GTF2IRD1: variants seen among roughly 807,000 people sequenced by gnomAD.
GTF2IRD1 encodes the protein GTF2I repeat domain containing 1.
A neutral mutation model predicts 113.2 loss-of-function variants in GTF2IRD1; 26 were observed. The observed-to-expected ratio is 0.23, with a 90% confidence interval of 0.17 to 0.32. GTF2IRD1 has a LOEUF of 0.32. GTF2IRD1 is among the 10% of genes least tolerant of loss of function. The pLI is 1.00. For synonymous variants in GTF2IRD1, 484 were observed against 529.1 expected (o/e 0.91, Z 1.17); for missense variants, 864 against 1,280.8 (o/e 0.67, Z 4.97).
chr7:74,458,236 T>C (rs1793120629), intron 1 of GTF2IRD1, among the ~76,000 whole-genome samples: 2 of 151,992 alleles, frequency 1.3e-5, no homozygotes, highest in African/African-American at 4.8e-5. Context: ...GGACCCTTAG[T>C]GTGACTGGAA....
intron 22 of GTF2IRD1, chr7:74,572,707 T>C (rs142672823): frequency 1.7e-3 from 324 of 188,584 alleles, no homozygotes; most frequent in Middle Eastern, 8.1e-3. Flanking sequence ...CAACTCTGTC[T>C]TGAGCTCTTG....
intron 1 of GTF2IRD1, among the ~76,000 whole-genome samples, chr7:74,487,225 A>T (rs886536760): frequency 2.3e-4 from 35 of 152,058 alleles, no homozygotes; most frequent in African/African-American, 8.5e-4. Flanking sequence ...TTTAATAGAG[A>T]TGAGGTTTCG....
At position 74,511,968 on chromosome 7, in the gene GTF2IRD1, A is replaced by G. The variant is rs773900102; in HGVS notation, c.124-862A>G. 7.0e-4 allele frequency among the ~76,000 whole-genome samples: 106 copies of G among 152,282 alleles called. 1 individual carries two copies. Among genetic ancestry groups the G allele is most frequent in the Admixed American group, 1.7e-3 (26 of 15,304 alleles). On this transcript the variant is annotated intron_variant, in intron 2 of 26. Transcript: ENST00000424337. ...CCTGTATACCCATATAGGGTGTCCCAGTTTAGAGATCTTTTTCCTCCAACC... is the reference window on the plus strand; with the variant it reads ...CCTGTATACCCATATAGGGTGTCCCGGTTTAGAGATCTTTTTCCTCCAACC...
At chr7:74,467,805 T>A (rs1308266509) in intron 1 of GTF2IRD1, among the ~76,000 whole-genome samples, 1 of 152,210 alleles carries the variant, frequency 6.6e-6, no homozygotes, top group African/African-American at 2.4e-5. Context: ...GCGATTCTCC[T>A]GCCTCAGTCT....
chr7:74,480,454 T>C (rs1794671223), intron 1 of GTF2IRD1, among the ~76,000 whole-genome samples: 1 of 152,226 alleles, frequency 6.6e-6, no homozygotes, highest in South Asian at 2.1e-4. Flanking sequence ...CAAGGGCCTT[T>C]GCAGGGAGCC....
At chr7:74,554,337 G>A (rs782266374) in intron 17 of GTF2IRD1, among the ~76,000 whole-genome samples, 2 of 152,192 alleles carry the variant, frequency 1.3e-5, no homozygotes, top group Non-Finnish European at 1.5e-5. Flanking sequence ...AAGCAGTGCT[G>A]TATGACAAAG....
intron 8 of GTF2IRD1, among the ~76,000 whole-genome samples, chr7:74,526,764 G>C (rs1167631501): frequency 2.6e-5 from 4 of 152,102 alleles, no homozygotes; most frequent in Non-Finnish European, 4.4e-5. Context: ...AATTGCTCAA[G>C]GGCTGGGGCT....
intron 16 of GTF2IRD1, among the ~76,000 whole-genome samples, chr7:74,546,429 C>A (rs868936713): frequency 7.2e-5 from 11 of 151,990 alleles, no homozygotes; most frequent in African/African-American, 2.2e-4. Context: ...ACCATGTTGG[C>A]CAGGCTGGTC....
chr7:74,536,051 G>C (rs1329543236), intron 10 of GTF2IRD1, 116 bp from the exon 11 acceptor site: 1 of 683,818 alleles, frequency 1.5e-6, no homozygotes, highest in Non-Finnish European at 2.6e-6. Flanking sequence ...GACAGGCAGA[G>C]GCCAGGCCCT....
intron 16 of GTF2IRD1, among the ~76,000 whole-genome samples, chr7:74,546,038 C>T (rs1798906144): frequency 6.6e-6 from 1 of 151,996 alleles, no homozygotes; most frequent in African/African-American, 2.4e-5. Flanking sequence ...CTGCCTCAGT[C>T]GCAGGTTGGA....
At chr7:74,552,909 C>T (rs1289001944) in intron 17 of GTF2IRD1, among the ~76,000 whole-genome samples, 1 of 152,222 alleles carries the variant, frequency 6.6e-6, no homozygotes, top group Non-Finnish European at 1.5e-5. Flanking sequence ...ACCATCTCAG[C>T]TTACTGCAAC....
At position 74,529,821 on chromosome 7, in the gene GTF2IRD1, C is replaced by T. The variant is rs782435637; in HGVS notation, c.1178C>T (p.Pro393Leu). The part of the protein sequence containing the change: ...DPEAVEIVGI[P>L]DKIPFKRPCT... ...GAGGCTGTGGAGATCGTGGGCATCC[C>T]GGACAAGATCCCCTTCAAGCGCCCC... is the stretch of plus-strand genomic sequence containing the variant. Residue 393 changes from proline to leucine, a missense_variant, in exon 9 of 27, where the codon CCG (proline) becomes CTG (leucine). Transcript: ENST00000424337. The T allele has an allele frequency of 6.2e-7, 1 of 1,613,930 alleles. No individual in the cohort carries two copies.
intron 1 of GTF2IRD1, among the ~76,000 whole-genome samples, chr7:74,465,189 AC>A (rs572067434): frequency 7.5e-4 from 114 of 152,272 alleles, no homozygotes; most frequent in Middle Eastern, 3.4e-3. Context: ...CCCAGGGCAC[AC>A]CCTGGCTGCC....
chr7:74,519,005 G>A (rs587641902), intron 5 of GTF2IRD1, among the ~76,000 whole-genome samples: 2 of 152,348 alleles, frequency 1.3e-5, no homozygotes, highest in East Asian at 1.9e-4. Context: ...TGTTGAGGCT[G>A]GTCTGAGGCA....
intron 22 of GTF2IRD1, among the ~76,000 whole-genome samples, chr7:74,562,071 G>C (rs1206671971): frequency 6.6e-6 from 1 of 152,228 alleles, no homozygotes; most frequent in Non-Finnish European, 1.5e-5. Context: ...ACACGTCCAG[G>C]CTCCTGGGAG....
intron 26 of GTF2IRD1, chr7:74,601,497 G>T (rs1802768657): frequency 7.0e-7 from 1 of 1,433,780 alleles, no homozygotes; most frequent in South Asian, 1.5e-5. Context: ...TGGCTGGCGG[G>T]TGCAGTGGCT....
chr7:74,455,065 G>A (rs968999923), intron 1 of GTF2IRD1, among the ~76,000 whole-genome samples: 2 of 152,090 alleles, frequency 1.3e-5, no homozygotes, highest in African/African-American at 4.8e-5. Context: ...TCCTGGCAGT[G>A]CTGGAGGGGG....
chr7:74,509,070 A>AT, intron 2 of GTF2IRD1, among the ~76,000 whole-genome samples: 1 of 152,166 alleles, frequency 6.6e-6, no homozygotes, highest in South Asian at 2.1e-4. Flanking sequence ...TAAAAAAAAA[A>AT]ATCTGGCCCA....
intron 22 of GTF2IRD1, among the ~76,000 whole-genome samples, chr7:74,564,614 A>C (rs1289129135): frequency 4.6e-5 from 7 of 151,738 alleles, no homozygotes; most frequent in Non-Finnish European, 1.0e-4. Flanking sequence ...TTAGCCAGAC[A>C]TGGTGGGGAC....
Sources: gnomAD v4.1 joint callset for allele counts (sites outside exome capture counted in the v4.1 genomes callset) on GRCh38, gnomAD v4.1.1 for gene constraint, MANE v1.5 for transcripts, NCBI Gene and HGNC (gene_info 2026-07-23, HGNC 2026-07-21) for gene names.